The following SAMD12 variants were observed in gnomAD, a reference collection of about 807,000 sequenced individuals.
The protein encoded by SAMD12 is sterile alpha motif domain-containing protein 12.
In SAMD12, 9 loss-of-function variants were observed where a neutral mutation model predicts 15.0. The ratio of observed to expected loss-of-function variants is 0.60; its 90% CI spans 0.36 to 1.05. The LOEUF is 1.05. SAMD12 is among the 50% of genes least tolerant of loss of function. The pLI is 0.01. For synonymous variants in SAMD12, 86 were observed against 90.1 expected (o/e 0.96, Z 0.25); for missense variants, 230 against 234.2 (o/e 0.98, Z 0.12).
At chr8:118,570,441 A>G (rs897481716) in intron 2 of SAMD12, among the ~76,000 whole-genome samples, 5 of 152,112 alleles carry the variant, frequency 3.3e-5, no homozygotes, top group African/African-American at 1.2e-4. Flanking sequence ...GCTCCCACTT[A>G]TAAGTGAGAA....
At chr8:118,329,640 GT>G (rs1339166349) in intron 4 of SAMD12, among the ~76,000 whole-genome samples, 2 of 152,154 alleles carry the variant, frequency 1.3e-5, no homozygotes, top group Non-Finnish European at 2.9e-5. Flanking sequence ...GATATCTCTA[GT>G]GTAAACAATG....
At chr8:118,328,518 T>C (rs1407735501) in intron 4 of SAMD12, among the ~76,000 whole-genome samples, 3 of 152,198 alleles carry the variant, frequency 2.0e-5, no homozygotes, top group African/African-American at 7.2e-5. Context: ...TTAATGCCCA[T>C]GTTCTATTCT....
At chr8:118,171,590 A>T in the SAMD12 span, among the ~76,000 whole-genome samples, 1 of 152,184 alleles carries the variant, frequency 6.6e-6, no homozygotes, top group South Asian at 2.1e-4. Flanking sequence ...GCAAGAGACC[A>T]TATATTGTGT....
At chr8:118,438,454 C>G (rs1049963925) in intron 3 of SAMD12, among the ~76,000 whole-genome samples, 1 of 151,480 alleles carries the variant, frequency 6.6e-6, no homozygotes, top group African/African-American at 2.4e-5. Flanking sequence ...CAAAATCAAT[C>G]AAGTTTTCTG....
At chr8:118,564,438 T>C (rs1826793713) in intron 2 of SAMD12, among the ~76,000 whole-genome samples, 1 of 152,172 alleles carries the variant, frequency 6.6e-6, no homozygotes, top group Non-Finnish European at 1.5e-5. Context: ...TAGAATGTCC[T>C]GACATCAGAA....
the SAMD12 span, among the ~76,000 whole-genome samples, chr8:118,160,445 A>T: frequency 1.3e-5 from 2 of 152,216 alleles, no homozygotes; most frequent in Admixed American, 6.5e-5. Flanking sequence ...AAGACTTATC[A>T]TGAGGTTATA....
chr8:118,381,892 G>A (rs1176978567), intron 3 of SAMD12, among the ~76,000 whole-genome samples: 4 of 152,182 alleles, frequency 2.6e-5, no homozygotes, highest in Non-Finnish European at 5.9e-5. Flanking sequence ...TCAAACAGAT[G>A]GCTTTAGATT....
the SAMD12 span, among the ~76,000 whole-genome samples, chr8:118,171,443 C>T: frequency 6.6e-6 from 1 of 152,160 alleles, no homozygotes. Flanking sequence ...AAAAGTCCAT[C>T]AACTGATGAA....
downstream of SAMD12, among the ~76,000 whole-genome samples, chr8:118,187,067 G>T (rs996213577): frequency 6.6e-6 from 1 of 152,028 alleles, no homozygotes; most frequent in Non-Finnish European, 1.5e-5. Flanking sequence ...AATAATATTT[G>T]GGTTACACTA....
At chr8:118,300,342 CTCTGT>C (rs1361302689) in intron 4 of SAMD12, among the ~76,000 whole-genome samples, 1 of 152,130 alleles carries the variant, frequency 6.6e-6, no homozygotes, top group Non-Finnish European at 1.5e-5. Context: ...TTCTCCTATT[CTCTGT>C]TCTATTTTTT....
At chr8:118,201,143 C>T (rs946163239) in intron 4 of SAMD12, among the ~76,000 whole-genome samples, 2 of 152,296 alleles carry the variant, frequency 1.3e-5, no homozygotes, top group Non-Finnish European at 2.9e-5. Flanking sequence ...TGGCAGTTTG[C>T]ATTAGACAGC....
intron 4 of SAMD12, among the ~76,000 whole-genome samples, chr8:118,278,237 G>A (rs368104217): frequency 6.6e-6 from 1 of 152,284 alleles, no homozygotes; most frequent in East Asian, 1.9e-4. Context: ...ATCTCATGAA[G>A]TTTGCCTATT....
At chr8:118,304,754 C>T (rs924769144) in intron 4 of SAMD12, among the ~76,000 whole-genome samples, 1 of 108,674 alleles carries the variant, frequency 9.2e-6, no homozygotes, top group Non-Finnish European at 1.9e-5. Flanking sequence ...AACGAGACTC[C>T]ATCTCATAAA....
At chr8:118,368,165 G>T (rs1818893026) in intron 4 of SAMD12, among the ~76,000 whole-genome samples, 1 of 152,122 alleles carries the variant, frequency 6.6e-6, no homozygotes, top group East Asian at 1.9e-4. Context: ...TTTCTGCAAG[G>T]GTGCGAAGAT....
chr8:118,360,600 G>A (rs1020089001), intron 4 of SAMD12, among the ~76,000 whole-genome samples: 1 of 152,098 alleles, frequency 6.6e-6, no homozygotes, highest in African/African-American at 2.4e-5. Flanking sequence ...GCTTTTTATA[G>A]GAAGGAAAAT....
At chr8:118,518,358 G>T (rs1369222544) in intron 2 of SAMD12, among the ~76,000 whole-genome samples, 2 of 152,202 alleles carry the variant, frequency 1.3e-5, no homozygotes, top group Non-Finnish European at 2.9e-5. Flanking sequence ...ACCTGTGATA[G>T]GAAGTAACAA....
intron 1 of SAMD12, among the ~76,000 whole-genome samples, chr8:118,613,189 T>C (rs940095972): frequency 1.3e-5 from 2 of 152,206 alleles, no homozygotes; most frequent in African/African-American, 4.8e-5. Context: ...TTTTACTGTG[T>C]GTAAATTGTA....
intron 4 of SAMD12, among the ~76,000 whole-genome samples, chr8:118,299,450 A>G (rs1169474905): frequency 6.6e-6 from 1 of 152,206 alleles, no homozygotes; most frequent in Non-Finnish European, 1.5e-5. Context: ...CTACACGTCC[A>G]GTGGTTTTAC....
intron 2 of SAMD12, among the ~76,000 whole-genome samples, chr8:118,548,249 G>T (rs951653053): frequency 1.3e-5 from 2 of 152,124 alleles, no homozygotes; most frequent in Admixed American, 6.5e-5. Context: ...TATTTTAAAA[G>T]ATACCCTTTT....
Sources: allele counts gnomAD v4.1 joint callset (sites outside exome capture counted in the v4.1 genomes callset), GRCh38; gene constraint gnomAD v4.1.1; transcripts MANE v1.5; gene names NCBI Gene and HGNC (gene_info 2026-07-23, HGNC 2026-07-21).